The following B4GALT5 variants were observed in gnomAD, a reference collection of about 807,000 sequenced individuals.
The protein encoded by B4GALT5 is UDP-Gal:beta-GlcNAc beta-1,4-galactosyltransferase 5.
B4GALT5 carries 11 observed loss-of-function variants against 45.0 expected under a neutral mutation model. That is an observed-to-expected ratio of 0.24 (90% CI 0.15 to 0.40). The LOEUF (loss-of-function observed/expected upper bound fraction) is 0.40, where lower values mean the gene tolerates loss of function less well. B4GALT5 is among the 10% of genes least tolerant of loss of function. The pLI, the probability that B4GALT5 is intolerant of heterozygous loss-of-function variation, is 1.00. For synonymous variants in B4GALT5, 185 were observed against 182.9 expected, an observed-to-expected ratio of 1.01 and a Z score of -0.09; for missense variants, 337 against 500.2, an observed-to-expected ratio of 0.67 and a Z score of 3.11.
At chr20:49,709,866 C>A (rs2085900476) in intron 1 of B4GALT5, among the ~76,000 whole-genome samples, 1 of 151,728 alleles carries the variant, frequency 6.6e-6, no homozygotes, top group African/African-American at 2.4e-5. Context: ...ATATTTTTTG[C>A]AAACACACTA....
At chr20:49,655,492 T>C (rs2085638955) in intron 2 of B4GALT5, among the ~76,000 whole-genome samples, 1 of 152,100 alleles carries the variant, frequency 6.6e-6, no homozygotes, top group Non-Finnish European at 1.5e-5. Context: ...ATGAGGCGAA[T>C]CATGAATCCT....
chr20:49,679,970 A>G (rs2085757409), intron 1 of B4GALT5, among the ~76,000 whole-genome samples: 1 of 152,250 alleles, frequency 6.6e-6, no homozygotes, highest in Non-Finnish European at 1.5e-5. Context: ...ACGCTCTCCA[A>G]GATACCTCTC....
intron 1 of B4GALT5, among the ~76,000 whole-genome samples, chr20:49,686,886 G>A (rs562123977): frequency 8.6e-5 from 13 of 151,460 alleles, no homozygotes; most frequent in African/African-American, 1.7e-4. Flanking sequence ...GTGACACAGC[G>A]AGACCCCATC....
At position 49,703,165 on chromosome 20, in the gene B4GALT5, CAAAAA is replaced by C. The variant is rs11452162; in HGVS notation, c.115+10406_115+10410del. On this transcript the variant is annotated intron_variant, in intron 1 of 8. Coordinates refer to ENST00000371711, the MANE Select transcript of B4GALT5 (RefSeq NM_004776.4). ...CTCCAGCCTGGGCGAGACTCCGTCT[CAAAAA>C]AAAAAAAAAAAAAAAGTGATTACTG... is the stretch of plus-strand genomic sequence containing the variant. 3.3e-5 allele frequency among the ~76,000 whole-genome samples: 3 copies of C among 91,220 alleles called. No individual in the cohort carries two copies. The East Asian group carries it at 1.0e-3, about 31-fold the overall frequency. 59.8% of individuals were successfully genotyped at this position (91,220 alleles called of 152,430 possible).
rs145094005 is a variant in B4GALT5 at position 49,652,918 on chromosome 20, C to T, written c.250+3650G>A. The stretch of plus-strand genomic sequence containing the variant: ...CAACAGTGCTCCAGGCAGAAGTGGT[C>T]GGGCCAGAGGTGTCAGTCATTTGGC... On this transcript the variant is annotated intron_variant, in intron 2 of 8. Transcript: ENST00000371711. 9.1e-3 allele frequency among the ~76,000 whole-genome samples: 1,379 copies of T among 152,278 alleles called. 28 individuals are homozygous for T. The highest frequency in any genetic ancestry group is 0.032 in the African/African-American group (1,328 of 41,550).
intron 1 of B4GALT5, among the ~76,000 whole-genome samples, chr20:49,671,094 G>T (rs2085713996): frequency 1.3e-5 from 2 of 152,136 alleles, no homozygotes; most frequent in African/African-American, 4.8e-5. Context: ...ATCATACCGT[G>T]CAGGCCAGGC....
intron 1 of B4GALT5, among the ~76,000 whole-genome samples, chr20:49,700,414 C>A (rs1266459619): frequency 1.3e-5 from 2 of 152,274 alleles, no homozygotes; most frequent in Middle Eastern, 6.8e-3. Context: ...CAGGCTCATG[C>A]GATCCCAAGT....
At chr20:49,656,391 T>C (rs2085643019) in intron 2 of B4GALT5, among the ~76,000 whole-genome samples, 177 bp downstream of exon 2, 1 of 152,240 alleles carries the variant, frequency 6.6e-6, no homozygotes, top group Admixed American at 6.5e-5. Context: ...TGAGTCATAT[T>C]GTTAACAAAA....
In B4GALT5 at chr20:49,642,693, G is replaced by A. The variant is rs74948152; in HGVS notation, c.490-109C>T. ...CAACCCATGGGAGTTCTGGGAGGCT[G>A]GCTATCTTGTCCTCAGCTTTCTCTA... On this transcript the variant is annotated intron_variant, in intron 4 of 8. Coordinates refer to ENST00000371711, the MANE Select transcript of B4GALT5 (RefSeq NM_004776.4). The A allele has an allele frequency of 1.4e-3, 981 of 724,504 alleles. 7 individuals are homozygous for A. In the African/African-American group the frequency reaches 0.015, roughly 11 times the overall value. 44.9% of individuals were successfully genotyped at this position (724,504 alleles called of 1,614,324 possible). A position where few individuals can be genotyped will look rare whatever the true frequency, so the allele number is the denominator to read the frequency against.
At chr20:49,684,695 C>T (rs561611377) in intron 1 of B4GALT5, 101 of 513,720 alleles carry the variant, frequency 2.0e-4, no homozygotes, top group Admixed American at 6.8e-4. Context: ...CAGACTTAAA[C>T]GACATACTGA....
intron 1 of B4GALT5, among the ~76,000 whole-genome samples, chr20:49,695,094 GTTC>G (rs1047105953): frequency 4.9e-5 from 7 of 144,246 alleles, no homozygotes; most frequent in South Asian, 2.1e-4. Flanking sequence ...TTTTCATTAG[GTTC>G]TTTTTTTTTT....
intron 1 of B4GALT5, among the ~76,000 whole-genome samples, chr20:49,698,031 G>T (rs895769159): frequency 5.3e-5 from 8 of 152,086 alleles, no homozygotes; most frequent in Non-Finnish European, 1.2e-4. Context: ...TATATGTTTG[G>T]AAATTTCCAG....
intron 1 of B4GALT5, among the ~76,000 whole-genome samples, chr20:49,663,675 G>GAAAAAAAAAAGAAAAA (rs1555812110): frequency 0.02 from 60 of 3,008 alleles, 11 homozygotes; most frequent in East Asian, 0.042. Context: ...TTCATCTCAA[G>GAAAAAAAAAAGAAAAA]AAAAAAAAAA....
Position 49,689,816 on chromosome 20 carries a change from C to G in B4GALT5, c.115+23760G>C, listed in dbSNP as rs369704917. 1.2e-4 allele frequency among the ~76,000 whole-genome samples: 19 copies of G among 152,296 alleles called. No homozygotes were observed. In the South Asian group the frequency reaches 3.1e-3, roughly 25 times the overall value. ...CAAGATATGAAACATTACAATCACT[C>G]CTGAAAGGTTTCCCAAGCCCCTTTC... On this transcript the variant is annotated intron_variant, in intron 1 of 8. Transcript: ENST00000371711.
intron 1 of B4GALT5, among the ~76,000 whole-genome samples, chr20:49,660,678 G>A (rs775370451): frequency 2.0e-4 from 30 of 152,088 alleles, no homozygotes; most frequent in Admixed American, 1.9e-3. Flanking sequence ...GACCTTTCAG[G>A]TGTCTCTATT....
At chr20:49,703,156 A>T in intron 1 of B4GALT5, among the ~76,000 whole-genome samples, 1 of 124,148 alleles carries the variant, frequency 8.1e-6, no homozygotes, top group African/African-American at 3.0e-5. Flanking sequence ...CCTGGGCGAG[A>T]CTCCGTCTCA....
In B4GALT5 at chr20:49,640,495, C is replaced by T; in HGVS notation, c.777G>A (p.Leu259=). 6.2e-7 allele frequency: 1 copy of T among 1,607,070 alleles called. No individual in the cohort carries two copies. The highest frequency in any genetic ancestry group is 2.2e-5 in the East Asian group (1 of 44,738). ...ATACTCACAGATACATATACTTATC[C>T]AATTTGGTTGCAAAATGCCTCGGCA... ...GQMPRHFATK[L]DKYMYLLPYT... The change falls in exon 6 of 9, where the codon TTG becomes TTA. Residue 259 remains leucine (L), a synonymous_variant. Transcript: ENST00000371711.
At position 49,689,058 on chromosome 20, in the gene B4GALT5, G is replaced by A. The variant is rs550662798; in HGVS notation, c.115+24518C>T. On this transcript the variant is annotated intron_variant, in intron 1 of 8. Transcript: ENST00000371711. ...AACATCTAGACTGAAAGCTGGAGGA[G>A]AAGGAAGGAGAATAGAAAAATACAG... 1.4e-3 allele frequency among the ~76,000 whole-genome samples: 213 copies of A among 152,158 alleles called. 2 individuals are homozygous for A. Among genetic ancestry groups the A allele is most frequent in the African/African-American group, 4.7e-3 (197 of 41,510 alleles).
At chr20:49,707,857 G>A (rs946205180) in intron 1 of B4GALT5, among the ~76,000 whole-genome samples, 1 of 150,274 alleles carries the variant, frequency 6.7e-6, no homozygotes, top group South Asian at 2.1e-4. Flanking sequence ...CAAGGAATCC[G>A]CCCATCTTGG....
Sources: allele counts gnomAD v4.1 joint callset (sites outside exome capture counted in the v4.1 genomes callset), GRCh38; gene constraint gnomAD v4.1.1; transcripts MANE v1.5; gene names NCBI Gene and HGNC (gene_info 2026-07-23, HGNC 2026-07-21).